Variants in ARID4B observed in about 807,000 individuals in gnomAD.
ARID4B encodes the protein AT-rich interactive domain-containing protein 4B.
ARID4B carries 26 observed loss-of-function variants against 147.5 expected under a neutral mutation model. That is an observed-to-expected ratio of 0.18 (90% confidence interval 0.13 to 0.24). ARID4B has a LOEUF of 0.24. Ranked by LOEUF, ARID4B falls within the 10% of genes least tolerant of loss-of-function variation. ARID4B has a pLI of 1.00. For missense variants in ARID4B, 1,179 were observed against 1,511.5 expected (o/e 0.78, Z 3.65); for synonymous variants, 512 against 507.9 (o/e 1.01, Z -0.11).
intron 17 of ARID4B, among the ~76,000 whole-genome samples, chr1:235,203,976 C>A (rs1180246372): frequency 6.6e-6 from 1 of 152,062 alleles, no homozygotes; most frequent in Non-Finnish European, 1.5e-5. Flanking sequence ...ACAATTAATA[C>A]TTTTAATCAT....
chr1:235,185,711 C>T (rs1027117027), intron 19 of ARID4B, among the ~76,000 whole-genome samples: 3 of 152,160 alleles, frequency 2.0e-5, no homozygotes, highest in Non-Finnish European at 2.9e-5. Context: ...GAGAGTTTCA[C>T]GAGGTACAGA....
chr1:235,243,230 A>C (rs1428031484), intron 7 of ARID4B, among the ~76,000 whole-genome samples: 2 of 152,178 alleles, frequency 1.3e-5, no homozygotes, highest in Non-Finnish European at 2.9e-5. Context: ...CTAAAATCAC[A>C]AAATGTATAC....
chr1:235,238,153 A>AAAAAAAAAAAAAAGAAAAG (rs61179792), intron 8 of ARID4B, among the ~76,000 whole-genome samples: 1 of 141,762 alleles, frequency 7.1e-6, no homozygotes. Context: ...CAAAAAAAAA[A>AAAAAAAAAAAAAAGAAAAG]AAAAGAAAAG....
intron 11 of ARID4B, 96 bp from the exon 12 acceptor site, chr1:235,224,871 A>C: frequency 1.3e-6 from 1 of 795,844 alleles, no homozygotes; most frequent in East Asian, 2.7e-5. Flanking sequence ...GTGTTCATTA[A>C]AATACTTCAA....
At chr1:235,212,192 T>C (rs970147288) in intron 17 of ARID4B, among the ~76,000 whole-genome samples, 2 of 151,716 alleles carry the variant, frequency 1.3e-5, no homozygotes, top group Admixed American at 6.6e-5. Context: ...TTGCAGTGAG[T>C]AGAGATCGTG....
At position 235,182,413 on chromosome 1, in the gene ARID4B, T is replaced by C. The variant is rs142839596; in HGVS notation, c.2506A>G (p.Thr836Ala). The C allele has an allele frequency of 1.2e-6, 2 of 1,608,986 alleles. No individual in the cohort carries two copies. The highest frequency in any genetic ancestry group is 1.7e-4 in the Middle Eastern group (1 of 6,032). The change falls in exon 20 of 24, where the codon ACT (threonine) becomes GCT (alanine). Residue 836 changes from threonine (T) to alanine (A), a missense_variant. Physicochemically the swap from Thr to Ala is moderately conservative, Grantham distance 58. Transcript: ENST00000264183. Reference sequence around the variant, plus strand: ...TCTTCCTTTTTGCCAGGTGATCCAGTTTTTAGACACTCTTCTGTATTGCAA... The same window carrying C: ...TCTTCCTTTTTGCCAGGTGATCCAGCTTTTAGACACTCTTCTGTATTGCAA... ...RYCNTEECLK[T>A]GSPGKKEEKA... is the part of the protein sequence containing the mutation.
chr1:235,181,217 G>T, intron 20 of ARID4B: 1 of 836,896 alleles, frequency 1.2e-6, no homozygotes, highest in Non-Finnish European at 1.5e-6. Flanking sequence ...GTGAGAAACT[G>T]CACATTACAA....
chr1:235,286,060 G>GTTTTGTTTTGT (rs145854651), intron 2 of ARID4B, among the ~76,000 whole-genome samples: 1 of 151,374 alleles, frequency 6.6e-6, no homozygotes, highest in African/African-American at 2.4e-5. Context: ...GTTTTGTTTT[G>GTTTTGTTTTGT]TTTTGAGATA....
At chr1:235,235,066 G>A (rs1444114744) in intron 8 of ARID4B, among the ~76,000 whole-genome samples, 1 of 152,136 alleles carries the variant, frequency 6.6e-6, no homozygotes. Flanking sequence ...GATGTAAAGT[G>A]GTGGCAATGG....
intron 2 of ARID4B, among the ~76,000 whole-genome samples, chr1:235,290,238 G>C: frequency 6.6e-6 from 1 of 152,060 alleles, no homozygotes; most frequent in South Asian, 2.1e-4. Context: ...GAGGTCAGGA[G>C]TTCAAGACCA....
chr1:235,171,794 C>T lies in ARID4B; in HGVS notation c.3811+824G>A, dbSNP rs530223529. The stretch of plus-strand genomic sequence containing the variant: ...AGCTGGGATTACAGGCACCCGCCAC[C>T]GCGCACAGCTAATTTTTTGTATTTT... On this transcript the variant is annotated intron_variant, in intron 23 of 23. Transcript: ENST00000264183. 2.2e-4 allele frequency among the ~76,000 whole-genome samples: 33 copies of T among 152,094 alleles called. No individual in the cohort carries two copies. In the South Asian group the frequency reaches 4.8e-3, roughly 22 times the overall value.
At chr1:235,299,702 G>T (rs992139599) in intron 2 of ARID4B, among the ~76,000 whole-genome samples, 1 of 152,148 alleles carries the variant, frequency 6.6e-6, no homozygotes, top group African/African-American at 2.4e-5. Flanking sequence ...CAGTTCTCTG[G>T]AAAAGAACTC....
chr1:235,210,108 TCCCA>T (rs1375660856), intron 17 of ARID4B, among the ~76,000 whole-genome samples: 1 of 151,392 alleles, frequency 6.6e-6, no homozygotes, highest in Non-Finnish European at 1.5e-5. Context: ...ACACCTAGAG[TCCCA>T]CCTATTCCAG....
intron 19 of ARID4B, among the ~76,000 whole-genome samples, chr1:235,188,089 T>C (rs756459478): frequency 6.6e-6 from 1 of 152,062 alleles, no homozygotes; most frequent in Admixed American, 6.6e-5. Flanking sequence ...ATTACACATA[T>C]AGGATAAATA....
intron 2 of ARID4B, among the ~76,000 whole-genome samples, chr1:235,287,888 AT>A (rs1197202183): frequency 6.6e-6 from 1 of 152,186 alleles, no homozygotes; most frequent in African/African-American, 2.4e-5. Context: ...TATTTAGGGT[AT>A]TTTTCCAGTC....
intron 2 of ARID4B, among the ~76,000 whole-genome samples, chr1:235,276,129 C>T (rs895864956): frequency 6.4e-5 from 9 of 140,572 alleles, no homozygotes; most frequent in Non-Finnish European, 1.4e-4. Flanking sequence ...CAGACAGAGA[C>T]TTTCAAAAAA....
Position 235,167,044 on chromosome 1 carries a change from CA to C in ARID4B, c.*1480del, listed in dbSNP as rs1157342252. ...TTTTTCTTCAACATTTTGCTGTCAA[CA>C]AATCTTTACAGTCCTGTACAAATTT... is the stretch of plus-strand genomic sequence containing the variant. On this transcript the variant is annotated 3_prime_UTR_variant, in exon 24 of 24. Transcript: ENST00000264183. The C allele has an allele frequency of 5.5e-6, 1 of 183,128 alleles. No individual in the cohort carries two copies. The highest frequency in any genetic ancestry group is 2.4e-5 in the African/African-American group (1 of 42,502). 11.3% of individuals were successfully genotyped at this position (183,128 alleles called of 1,614,324 possible).
chr1:235,309,868 C>T (rs1673919553), intron 2 of ARID4B, among the ~76,000 whole-genome samples: 1 of 152,188 alleles, frequency 6.6e-6, no homozygotes, highest in African/African-American at 2.4e-5. Flanking sequence ...TGATCTGTGA[C>T]CTTACTTACC....
At position 235,181,853 on chromosome 1, in the gene ARID4B, G is replaced by C; in HGVS notation, c.3066C>G (p.Thr1022=). 6.2e-7 allele frequency: 1 copy of C among 1,614,032 alleles called. No individual in the cohort carries two copies. The part of the protein sequence containing the change: ...PSSGSNSVLN[T]PPTTPESPSS... ...AAGGCGATTCAGGTGTAGTAGGAGG[G>C]GTATTTAGCACTGAATTACTGCCAC... Residue 1022 remains threonine (T), a synonymous_variant, in exon 20 of 24, where the codon ACC becomes ACG. Transcript: ENST00000264183.
Sources: allele counts gnomAD v4.1 joint callset (sites outside exome capture counted in the v4.1 genomes callset), GRCh38; gene constraint gnomAD v4.1.1; transcripts MANE v1.5; gene names NCBI Gene and HGNC (gene_info 2026-07-23, HGNC 2026-07-21).